Variants in SH3PXD2B observed in about 807,000 individuals in gnomAD.
SH3PXD2B encodes SH3 and PX domains 2B.
Under a neutral mutation model 73.1 loss-of-function variants are expected in SH3PXD2B, and 37 were observed. The observed-to-expected ratio is 0.51, with a 90% confidence interval of 0.39 to 0.67. The LOEUF (loss-of-function observed/expected upper bound fraction) is 0.67. Among genes scored for constraint, SH3PXD2B ranks in the 30% least tolerant of loss-of-function variants. SH3PXD2B has a pLI of 0.00. For missense variants in SH3PXD2B, 1,053 were observed against 1,197.8 expected (o/e 0.88, Z 1.78); for synonymous variants, 457 against 480.5 (o/e 0.95, Z 0.64).
rs533276672 is a variant in SH3PXD2B, at chr5:172,381,898, C to T, written c.401+138G>A. 1.8e-4 allele frequency: 116 copies of T among 643,000 alleles called. No homozygotes were observed. The South Asian group carries it at 2.2e-3, about 12-fold the overall frequency. 39.8% of individuals were successfully genotyped at this position (643,000 alleles called of 1,614,324 possible). On this transcript the variant is annotated intron_variant, in intron 5 of 12. Coordinates refer to ENST00000311601, the MANE Select transcript of SH3PXD2B (RefSeq NM_001017995.3). Reference sequence around the variant, plus strand: ...TACCCACTTACAGCAACTCTGAAGGCTAAGTGAAGTGCGGTCTCACAGGGG... The same window carrying T: ...TACCCACTTACAGCAACTCTGAAGGTTAAGTGAAGTGCGGTCTCACAGGGG...
At chr5:172,378,919 A>T (rs954345832) in intron 5 of SH3PXD2B, among the ~76,000 whole-genome samples, 2 of 151,442 alleles carry the variant, frequency 1.3e-5, no homozygotes, top group African/African-American at 4.9e-5. Context: ...AAATACAAAA[A>T]ATTAGCCGGG....
At chr5:172,377,824 T>C (rs1274087029) in intron 5 of SH3PXD2B, among the ~76,000 whole-genome samples, 4 of 152,222 alleles carry the variant, frequency 2.6e-5, no homozygotes, top group Admixed American at 2.6e-4. Flanking sequence ...GGCTGTGTTT[T>C]GTATTTTCAG....
chr5:172,389,483 C>T (rs1276036643), intron 4 of SH3PXD2B, among the ~76,000 whole-genome samples: 3 of 108,016 alleles, frequency 2.8e-5, no homozygotes, highest in South Asian at 3.0e-4. Flanking sequence ...TCCACCTCCT[C>T]ATCTACACAA....
chr5:172,414,198 G>T (rs527839911), intron 2 of SH3PXD2B, among the ~76,000 whole-genome samples: 16 of 152,352 alleles, frequency 1.1e-4, no homozygotes, highest in Non-Finnish European at 1.5e-4. Flanking sequence ...GCCGGGCGCA[G>T]TGGCTCACGC....
At chr5:172,382,157 A>AG in intron 4 of SH3PXD2B, 30 bp from the exon 5 acceptor site, 1 of 1,556,036 alleles carries the variant, frequency 6.4e-7, no homozygotes, top group South Asian at 1.2e-5. Flanking sequence ...GTGAGTGCAA[A>AG]GGAGGAGAGG....
intron 1 of SH3PXD2B, among the ~76,000 whole-genome samples, chr5:172,449,727 G>C (rs754766784): frequency 2.0e-5 from 3 of 152,210 alleles, no homozygotes; most frequent in Non-Finnish European, 4.4e-5. Flanking sequence ...CGGAGTGTTA[G>C]CAAGAACAGA....
intron 4 of SH3PXD2B, among the ~76,000 whole-genome samples, chr5:172,393,439 AT>A (rs1266226176): frequency 1.3e-5 from 2 of 152,140 alleles, no homozygotes; most frequent in African/African-American, 4.8e-5. Context: ...ATTTGTCCTA[AT>A]ATTTTTTTGA....
At chr5:172,442,383 G>A (rs1759567846) in intron 1 of SH3PXD2B, among the ~76,000 whole-genome samples, 1 of 152,136 alleles carries the variant, frequency 6.6e-6, no homozygotes, top group Admixed American at 6.5e-5. Context: ...ATTTGCATGA[G>A]ATGGCGGTCA....
At chr5:172,333,271 C>T (rs748270746), downstream of SH3PXD2B, among the ~76,000 whole-genome samples, 2 of 152,048 alleles carry the variant, frequency 1.3e-5, no homozygotes, top group African/African-American at 2.4e-5. Flanking sequence ...GAGGCAATGC[C>T]GGCAAGAGGT....
At chr5:172,357,276 T>G (rs1757302072) in intron 8 of SH3PXD2B, among the ~76,000 whole-genome samples, 1 of 151,382 alleles carries the variant, frequency 6.6e-6, no homozygotes, top group Admixed American at 6.6e-5. Context: ...ATACGAAAAC[T>G]AGCTGGGCGT....
At chr5:172,341,032 T>C (rs1235662851) in intron 12 of SH3PXD2B, among the ~76,000 whole-genome samples, 1 of 152,212 alleles carries the variant, frequency 6.6e-6, no homozygotes, top group Admixed American at 6.5e-5. Flanking sequence ...TACACGCCTG[T>C]TGGCTGGAAT....
intron 6 of SH3PXD2B, among the ~76,000 whole-genome samples, chr5:172,369,277 AAGG>A (rs977960328): frequency 6.6e-6 from 1 of 151,458 alleles, no homozygotes; most frequent in African/African-American, 2.4e-5. Context: ...AGCTGTAAAG[AAGG>A]AGAAGAGGAA....
intron 10 of SH3PXD2B, among the ~76,000 whole-genome samples, chr5:172,348,702 T>A (rs1019827200): frequency 6.3e-4 from 24 of 38,322 alleles, no homozygotes; most frequent in South Asian, 5.5e-3. Flanking sequence ...TATCTATCTA[T>A]CTATCTATTT....
At chr5:172,398,549 G>A (rs750811262) in intron 3 of SH3PXD2B, among the ~76,000 whole-genome samples, 8 of 152,096 alleles carry the variant, frequency 5.3e-5, no homozygotes, top group African/African-American at 1.2e-4. Flanking sequence ...AGTTTGAGCC[G>A]CCGTGTTACA....
intron 4 of SH3PXD2B, among the ~76,000 whole-genome samples, chr5:172,389,371 T>C (rs760983260): frequency 6.6e-6 from 1 of 151,900 alleles, no homozygotes; most frequent in Non-Finnish European, 1.5e-5. Flanking sequence ...TTTACTTTCT[T>C]AGAGGCCATA....
intron 7 of SH3PXD2B, among the ~76,000 whole-genome samples, chr5:172,359,622 CT>C (rs1364089469): frequency 6.6e-6 from 1 of 152,156 alleles, no homozygotes; most frequent in African/African-American, 2.4e-5. Context: ...GATTTAGCAT[CT>C]GCTTCAGAGG....
At chr5:172,406,455 T>A in intron 2 of SH3PXD2B, 103 bp from the exon 3 acceptor site, 1 of 1,355,606 alleles carries the variant, frequency 7.4e-7, no homozygotes, top group Non-Finnish European at 1.0e-6. Flanking sequence ...TGTGATATAC[T>A]AAAAGTTCAC....
downstream of SH3PXD2B, among the ~76,000 whole-genome samples, chr5:172,332,934 ATG>A (rs34143703): frequency 0.12 from 17,248 of 139,012 alleles, 1,157 homozygotes; most frequent in African/African-American, 0.18. Flanking sequence ...CCACCGCACA[ATG>A]TTTTTTTTTT....
intron 3 of SH3PXD2B, among the ~76,000 whole-genome samples, chr5:172,398,099 C>G (rs1167358850): frequency 6.6e-6 from 1 of 152,210 alleles, no homozygotes; most frequent in East Asian, 1.9e-4. Context: ...TCTCCTTCCC[C>G]CTGGAATTCT....
Sources: gnomAD v4.1 joint callset for allele counts (sites outside exome capture counted in the v4.1 genomes callset) on GRCh38, gnomAD v4.1.1 for gene constraint, MANE v1.5 for transcripts, NCBI Gene and HGNC (gene_info 2026-07-23, HGNC 2026-07-21) for gene names.